Variants in KCND2 observed in about 807,000 individuals in gnomAD.
KCND2 encodes the protein potassium voltage-gated channel subfamily D member 2, also known as A-type voltage-gated potassium channel KCND2.
KCND2 carries 16 observed loss-of-function variants against 54.4 expected under a neutral mutation model. That is an observed-to-expected ratio of 0.29 (90% CI 0.20 to 0.45). The LOEUF (loss-of-function observed/expected upper bound fraction) is 0.45. Ranked by LOEUF, KCND2 falls within the 20% of genes least tolerant of loss-of-function variation. The pLI is 1.00. For synonymous variants in KCND2, 317 were observed against 310.7 expected (o/e 1.02, Z -0.21); for missense variants, 486 against 824.2 (o/e 0.59, Z 5.02).
intron 1 of KCND2, among the ~76,000 whole-genome samples, chr7:120,349,100 C>T (rs1386851609): frequency 6.6e-6 from 1 of 152,120 alleles, no homozygotes; most frequent in African/African-American, 2.4e-5. Flanking sequence ...TACCACCCCT[C>T]ATAAATATGG....
intron 1 of KCND2, among the ~76,000 whole-genome samples, chr7:120,665,474 T>C (rs1352803600): frequency 6.6e-6 from 1 of 152,022 alleles, no homozygotes; most frequent in Non-Finnish European, 1.5e-5. Flanking sequence ...TTTTACCGAG[T>C]TGAATACCTG....
At chr7:120,499,668 C>T (rs916822244) in intron 1 of KCND2, among the ~76,000 whole-genome samples, 1 of 152,106 alleles carries the variant, frequency 6.6e-6, no homozygotes, top group East Asian at 1.9e-4. Flanking sequence ...TACACCCTTT[C>T]CTTAAAGCAA....
At chr7:120,697,877 A>G (rs1792350673) in intron 1 of KCND2, among the ~76,000 whole-genome samples, 1 of 152,164 alleles carries the variant, frequency 6.6e-6, no homozygotes, top group Non-Finnish European at 1.5e-5. Context: ...AAGAGACTTC[A>G]TTTACTGGTC....
intron 4 of KCND2, among the ~76,000 whole-genome samples, chr7:120,744,311 C>T (rs914871799): frequency 2.4e-4 from 36 of 151,980 alleles, no homozygotes; most frequent in African/African-American, 7.7e-4. Context: ...CTTTTCTGTT[C>T]CCTGTATTTT....
At chr7:120,457,603 A>G (rs1202563369) in intron 1 of KCND2, among the ~76,000 whole-genome samples, 1 of 152,202 alleles carries the variant, frequency 6.6e-6, no homozygotes, top group Non-Finnish European at 1.5e-5. Flanking sequence ...TGTCACAATC[A>G]GCATTTTAGT....
At chr7:120,395,475 G>A (rs73722594) in intron 1 of KCND2, among the ~76,000 whole-genome samples, 3,060 of 151,962 alleles carry the variant, frequency 0.02, 113 homozygotes, top group African/African-American at 0.069. Context: ...TACAAAATTG[G>A]GGCCTAGCCT....
intron 1 of KCND2, among the ~76,000 whole-genome samples, chr7:120,682,997 T>C (rs979408968): frequency 2.0e-5 from 3 of 152,164 alleles, no homozygotes; most frequent in Non-Finnish European, 4.4e-5. Flanking sequence ...CAGGGACTTC[T>C]AGAAGACTCC....
intron 1 of KCND2, among the ~76,000 whole-genome samples, chr7:120,689,299 T>C (rs1319458242): frequency 6.6e-6 from 1 of 152,204 alleles, no homozygotes; most frequent in African/African-American, 2.4e-5. Flanking sequence ...TTTCTTTTTG[T>C]GTCATCAGTT....
At chr7:120,645,381 A>G (rs1196918321) in intron 1 of KCND2, among the ~76,000 whole-genome samples, 1 of 151,784 alleles carries the variant, frequency 6.6e-6, no homozygotes, top group Admixed American at 6.6e-5. Flanking sequence ...GCCCATGACT[A>G]GTGGCATGCT....
intron 1 of KCND2, among the ~76,000 whole-genome samples, chr7:120,672,497 G>C (rs552859001): frequency 1.3e-4 from 20 of 152,052 alleles, no homozygotes; most frequent in Non-Finnish European, 2.4e-4. Context: ...ATCTACTGCT[G>C]TGGCCCCTCT....
chr7:120,585,605 A>G (rs1366211777), intron 1 of KCND2, among the ~76,000 whole-genome samples: 1 of 152,132 alleles, frequency 6.6e-6, no homozygotes, highest in Non-Finnish European at 1.5e-5. Flanking sequence ...CACATTAGGT[A>G]TCAAGGGGAG....
At chr7:120,275,793 G>C in intron 1 of KCND2, 46 bp downstream of exon 1, 1 of 1,583,632 alleles carries the variant, frequency 6.3e-7, no homozygotes, top group Middle Eastern at 1.7e-4. Flanking sequence ...GTATGGGTGA[G>C]GCGATTGTGG....
chr7:120,708,198 C>T (rs896256371), intron 1 of KCND2, among the ~76,000 whole-genome samples: 3 of 152,048 alleles, frequency 2.0e-5, no homozygotes, highest in Non-Finnish European at 4.4e-5. Context: ...AAAAGAAATA[C>T]CTTCAATAGC....
chr7:120,404,675 C>T (rs1440506298), intron 1 of KCND2, among the ~76,000 whole-genome samples: 1 of 152,106 alleles, frequency 6.6e-6, no homozygotes, highest in Non-Finnish European at 1.5e-5. Flanking sequence ...CAGTAATAAC[C>T]TATGTTACTC....
At position 120,275,686 on chromosome 7, in the gene KCND2, A is replaced by G. The variant is rs933175760; in HGVS notation, c.1054A>G (p.Ser352Gly). The G allele has an allele frequency of 1.0e-5, 16 of 1,602,182 alleles. No individual in the cohort carries two copies. Among genetic ancestry groups the G allele is most frequent in the Non-Finnish European group, 5.1e-6 (6 of 1,179,966 alleles). The change falls in exon 1 of 6, where the codon AGC becomes GGC. Residue 352 changes from serine (S) to glycine (G), a missense_variant. By Grantham distance (56) the Ser-to-Gly change is moderately conservative (BLOSUM62 0). This residue lies in a region of KCND2 where 23 missense variants were observed against 33.7 expected (regional missense o/e 0.68). Transcript: ENST00000331113. Reference sequence around the variant, plus strand: ...CTACGCAGAGAAGGGGTCTTCGGCTAGCAAGTTCACCAGCATCCCTGCAGC... The same window carrying G: ...CTACGCAGAGAAGGGGTCTTCGGCTGGCAAGTTCACCAGCATCCCTGCAGC... ...MFYAEKGSSA[S>G]KFTSIPAAFW...
intron 1 of KCND2, among the ~76,000 whole-genome samples, chr7:120,503,190 A>G (rs116435785): frequency 1.5e-3 from 222 of 152,098 alleles, no homozygotes; most frequent in African/African-American, 5.0e-3. Flanking sequence ...AAAGCAAGGG[A>G]GGTGGAAGAG....
At chr7:120,508,214 AAG>A (rs2116326939) in intron 1 of KCND2, among the ~76,000 whole-genome samples, 1 of 152,132 alleles carries the variant, frequency 6.6e-6, no homozygotes, top group Admixed American at 6.6e-5. Context: ...TATAATTAAA[AAG>A]AATCACTTTT....
chr7:120,734,287 CT>C (rs1792844305), intron 2 of KCND2, among the ~76,000 whole-genome samples: 1 of 152,100 alleles, frequency 6.6e-6, no homozygotes, highest in African/African-American at 2.4e-5. Context: ...TTACAGTTCA[CT>C]ATGCATAGAG....
At chr7:120,375,635 G>A (rs1006916025) in intron 1 of KCND2, among the ~76,000 whole-genome samples, 5 of 151,648 alleles carry the variant, frequency 3.3e-5, no homozygotes, top group African/African-American at 7.3e-5. Context: ...TCTATTACAC[G>A]AATTGTCATC....
Sources: gnomAD v4.1 joint callset for allele counts (sites outside exome capture counted in the v4.1 genomes callset) on GRCh38, gnomAD v4.1.1 for gene constraint, gnomAD v4.1.1 regional missense constraint, MANE v1.5 for transcripts, NCBI Gene and HGNC (gene_info 2026-07-23, HGNC 2026-07-21) for gene names.